The following AKAP9 variants were observed in gnomAD, a reference collection of about 807,000 sequenced individuals.
The protein encoded by AKAP9 is A-kinase anchor protein 9.
A neutral mutation model predicts 488.5 loss-of-function variants in AKAP9; 311 were observed. The observed-to-expected ratio is 0.64, with a 90% CI of 0.58 to 0.70. The LOEUF (loss-of-function observed/expected upper bound fraction) is 0.70, where lower values mean the gene tolerates loss of function less well. Ranked by LOEUF, AKAP9 falls within the 30% of genes least tolerant of loss-of-function variation. The pLI is 0.00. For missense variants in AKAP9, 4,215 were observed against 4,374.5 expected (o/e 0.96, Z 1.03); for synonymous variants, 1,462 against 1,483.5 (o/e 0.99, Z 0.33).
chr7:92,079,103 A>G lies in AKAP9; in HGVS notation c.6970A>G (p.Ile2324Val), dbSNP rs184676617. The G allele has an allele frequency of 2.9e-5, 47 of 1,611,012 alleles. No homozygotes were observed. In the Admixed American group the frequency reaches 5.8e-4, roughly 20 times the overall value. ...GGTTATTGAAGAAAAAAATGAACTG[A>G]TAAGGGATCTTGAAACCCAAATAGA... ...NKVIEEKNEL[I>V]RDLETQIECL... is the part of the protein sequence containing the mutation. The change falls in exon 31 of 50, where the codon ATA becomes GTA. Residue 2324 changes from isoleucine (I) to valine (V), a missense_variant. This residue lies in a region of AKAP9 where 1,476 missense variants were observed against 1,477.4 expected (regional missense o/e 1.00). Transcript: ENST00000356239.
At chr7:91,961,896 T>G (rs1003916518) in intron 1 of AKAP9, among the ~76,000 whole-genome samples, 3 of 152,190 alleles carry the variant, frequency 2.0e-5, no homozygotes, top group Non-Finnish European at 4.4e-5. Context: ...TATTAAGTCA[T>G]TTATTCATGT....
chr7:91,986,764 A>C (rs1288627989), intron 3 of AKAP9, among the ~76,000 whole-genome samples: 3 of 152,138 alleles, frequency 2.0e-5, no homozygotes, highest in Non-Finnish European at 4.4e-5. Flanking sequence ...ATATGTTTTA[A>C]GGTAAGGTAC....
intron 49 of AKAP9, chr7:92,108,853 C>T: frequency 4.9e-6 from 3 of 606,178 alleles, no homozygotes; most frequent in Non-Finnish European, 5.9e-6. Context: ...GATCCCACTC[C>T]TCCCAAAAAT....
chr7:92,045,822 T>G (rs1390490527), intron 21 of AKAP9, among the ~76,000 whole-genome samples: 3 of 149,710 alleles, frequency 2.0e-5, no homozygotes, highest in Non-Finnish European at 3.0e-5. Flanking sequence ...CAGCTCTTCT[T>G]TCCGTTTCTT....
Position 92,102,590 on chromosome 7 carries a change from A to T in AKAP9, c.11098-4A>T, listed in dbSNP as rs1442359666. 1.9e-6 allele frequency: 3 copies of T among 1,611,750 alleles called. No individual in the cohort carries two copies. The highest frequency in any genetic ancestry group is 3.3e-5 in the Admixed American group (2 of 60,020). On this transcript the variant is annotated splice_polypyrimidine_tract_variant and splice_region_variant and intron_variant, in intron 45 of 49. Transcript: ENST00000356239. ...CTTTACATTCTTCTCTTCCCTAAAT[A>T]TAGAGAATTTATGGTAAATACTTGA...
At chr7:91,943,533 CTG>C (rs1791059606) in intron 1 of AKAP9, among the ~76,000 whole-genome samples, 1 of 152,094 alleles carries the variant, frequency 6.6e-6, no homozygotes, top group Non-Finnish European at 1.5e-5. Flanking sequence ...GAGACAGACT[CTG>C]GGTGATAAGT....
chr7:92,108,429 A>G (rs1256882765), intron 48 of AKAP9, 65 bp from the exon 49 acceptor site: 1 of 1,550,024 alleles, frequency 6.5e-7, no homozygotes, highest in East Asian at 2.2e-5. Context: ...GAGTGGAGGC[A>G]GGTTGGTAAC....
At position 92,079,544 on chromosome 7, in the gene AKAP9, G is replaced by C; in HGVS notation, c.7411G>C (p.Glu2471Gln). The change falls in exon 31 of 50, where the codon GAG becomes CAG. Residue 2471 changes from glutamate to glutamine, a missense_variant. By Grantham distance (29) the Glu-to-Gln change is conservative. Transcript: ENST00000356239. ...ACCTGAACTAGAAGTAGTCCTTACA[G>C]AGGATGCTCTTAAATCCCTAGAAAA... ...DKPELEVVLT[E>Q]DALKSLENQT... is the part of the protein sequence containing the mutation. The C allele has an allele frequency of 6.2e-7, 1 of 1,613,800 alleles. No individual in the cohort carries two copies. Among genetic ancestry groups the C allele is most frequent in the Non-Finnish European group, 8.5e-7 (1 of 1,180,002 alleles).
intron 6 of AKAP9, 86 bp downstream of exon 6, chr7:91,994,862 TA>T: frequency 7.6e-7 from 1 of 1,319,400 alleles, no homozygotes; most frequent in South Asian, 1.3e-5. Context: ...CTAAATTTGT[TA>T]AAAAAGCCAT....
chr7:91,972,337 C>T (rs1364229097), intron 1 of AKAP9, among the ~76,000 whole-genome samples: 1 of 152,110 alleles, frequency 6.6e-6, no homozygotes, highest in East Asian at 1.9e-4. Context: ...CCAGTACTTC[C>T]TGGTTGTCCC....
chr7:92,001,714 A>G lies in AKAP9; in HGVS notation c.1797A>G (p.Lys599=). 1 of 1,612,578 alleles carries G rather than the reference A, an allele frequency of 6.2e-7. No homozygotes were observed. The highest frequency in any genetic ancestry group is 1.3e-5 in the African/African-American group (1 of 74,978). Reference sequence around the variant, plus strand: ...CAGAAGTTACAAATTACAAGATAAAACTTGAAATGTTAGAAAAAGAAAAGA... The same window carrying G: ...CAGAAGTTACAAATTACAAGATAAAGCTTGAAATGTTAGAAAAAGAAAAGA... The part of the protein sequence containing the change: ...HEAEVTNYKI[K]LEMLEKEKNA... The change falls in exon 8 of 50, where the codon AAA becomes AAG. Residue 599 remains lysine (K), a synonymous_variant. Coordinates refer to ENST00000356239, the MANE Select transcript of AKAP9 (RefSeq NM_005751.5).
intron 22 of AKAP9, 59 bp downstream of exon 22, chr7:92,053,017 C>T: frequency 7.2e-7 from 1 of 1,379,894 alleles, no homozygotes; most frequent in East Asian, 2.4e-5. Context: ...CTATCCCACT[C>T]TCTCGACTGA....
At chr7:91,981,164 G>A (rs1796363950) in intron 3 of AKAP9, among the ~76,000 whole-genome samples, 1 of 152,140 alleles carries the variant, frequency 6.6e-6, no homozygotes, top group Admixed American at 6.6e-5. Flanking sequence ...CCTGATTTAG[G>A]CTAAAGTTGC....
At chr7:92,045,343 A>C in intron 21 of AKAP9, 130 bp downstream of exon 21, 1 of 835,696 alleles carries the variant, frequency 1.2e-6, no homozygotes, top group Non-Finnish European at 2.0e-6. Context: ...AAACAGAAAT[A>C]CATTAGAGCA....
intron 12 of AKAP9, among the ~76,000 whole-genome samples, chr7:92,018,976 T>C (rs115413926): frequency 7.0e-4 from 107 of 152,330 alleles, no homozygotes; most frequent in African/African-American, 2.4e-3. Flanking sequence ...AGGAACAACA[T>C]TCAACCAGAA....
intron 24 of AKAP9, among the ~76,000 whole-genome samples, chr7:92,062,727 T>A (rs1810101016): frequency 6.6e-6 from 1 of 152,168 alleles, no homozygotes; most frequent in Non-Finnish European, 1.5e-5. Context: ...TCTTCATTTA[T>A]CCTCAAACTT....
At chr7:92,024,043 A>G (rs909160006) in intron 14 of AKAP9, among the ~76,000 whole-genome samples, 3 of 151,570 alleles carry the variant, frequency 2.0e-5, no homozygotes, top group Admixed American at 6.6e-5. Context: ...TCTCTACTTT[A>G]TTTTTTCTAT....
intron 16 of AKAP9, among the ~76,000 whole-genome samples, chr7:92,032,150 A>G (rs1804363264): frequency 6.6e-6 from 1 of 152,104 alleles, no homozygotes; most frequent in Non-Finnish European, 1.5e-5. Context: ...TTATGGTTCC[A>G]TTTGTTTTGT....
intron 37 of AKAP9, among the ~76,000 whole-genome samples, chr7:92,089,032 A>C (rs12535601): frequency 6.6e-6 from 1 of 151,998 alleles, no homozygotes; most frequent in East Asian, 1.9e-4. Context: ...AAGACAAAGA[A>C]AGACTTGGGA....
Sources: gnomAD v4.1 joint callset for allele counts (sites outside exome capture counted in the v4.1 genomes callset) on GRCh38, gnomAD v4.1.1 for gene constraint, gnomAD v4.1.1 regional missense constraint, MANE v1.5 for transcripts, NCBI Gene and HGNC (gene_info 2026-07-23, HGNC 2026-07-21) for gene names.